Variants in ROCK1 observed in about 807,000 individuals in gnomAD.
ROCK1 encodes Rho associated coiled-coil containing protein kinase 1.
Under a neutral mutation model 196.8 loss-of-function variants are expected in ROCK1, and 36 were observed. The ratio of observed to expected loss-of-function variants is 0.18; its 90% CI spans 0.14 to 0.24. ROCK1 has a LOEUF of 0.24. Among genes scored for constraint, ROCK1 ranks in the 10% least tolerant of loss-of-function variants. ROCK1 has a pLI of 1.00. For synonymous variants in ROCK1, 443 were observed against 515.9 expected (o/e 0.86, Z 1.91); for missense variants, 920 against 1,562.0 (o/e 0.59, Z 6.93).
intron 16 of ROCK1, among the ~76,000 whole-genome samples, chr18:20,999,066 A>C (rs2035698129): frequency 6.6e-6 from 1 of 152,196 alleles, no homozygotes; most frequent in African/African-American, 2.4e-5. Context: ...ATAAACAAAA[A>C]AGCTATAAGC....
intron 9 of ROCK1, among the ~76,000 whole-genome samples, chr18:21,039,068 A>G (rs2036082997): frequency 6.6e-6 from 1 of 152,130 alleles, no homozygotes; most frequent in Admixed American, 6.5e-5. Flanking sequence ...TAATAATAGA[A>G]CCTTCTTATA....
chr18:20,959,124 T>TAAA (rs2035295308), intron 29 of ROCK1, among the ~76,000 whole-genome samples: 4 of 53,392 alleles, frequency 7.5e-5, no homozygotes, highest in African/African-American at 5.7e-4. Context: ...TTATATAATA[T>TAAA]ATATATTATA....
intron 1 of ROCK1, among the ~76,000 whole-genome samples, chr18:21,091,719 C>T (rs1033326027): frequency 1.3e-5 from 2 of 152,156 alleles, no homozygotes; most frequent in African/African-American, 4.8e-5. Flanking sequence ...ACCTGTAATC[C>T]CAGTACTTTG....
intron 1 of ROCK1, among the ~76,000 whole-genome samples, chr18:21,078,271 A>G (rs1263524545): frequency 6.6e-6 from 1 of 151,580 alleles, no homozygotes; most frequent in Non-Finnish European, 1.5e-5. Flanking sequence ...AGGGGCTGCA[A>G]TGAGCTGAGA....
At chr18:20,971,323 C>T (rs1568371061) in intron 22 of ROCK1, among the ~76,000 whole-genome samples, 4 of 59,486 alleles carry the variant, frequency 6.7e-5, no homozygotes, top group Non-Finnish European at 1.1e-4. Context: ...CACACACACA[C>T]ACACACACAC....
At chr18:21,072,348 G>T (rs1395041510) in intron 1 of ROCK1, among the ~76,000 whole-genome samples, 1 of 152,170 alleles carries the variant, frequency 6.6e-6, no homozygotes, top group African/African-American at 2.4e-5. Context: ...GGGAAATAAA[G>T]TTGGCAAGAA....
chr18:20,954,446 C>T (rs2035221151), intron 31 of ROCK1, among the ~76,000 whole-genome samples: 1 of 150,050 alleles, frequency 6.7e-6, no homozygotes. Context: ...TGTGGTGGCA[C>T]ACGCCTATAG....
chr18:20,999,495 C>G (rs1320982115), intron 16 of ROCK1, among the ~76,000 whole-genome samples: 1 of 152,070 alleles, frequency 6.6e-6, no homozygotes, highest in Non-Finnish European at 1.5e-5. Context: ...GAAATACCCA[C>G]AGCTAACATC....
At chr18:21,092,601 A>G (rs1384966636) in intron 1 of ROCK1, among the ~76,000 whole-genome samples, 5 of 151,766 alleles carry the variant, frequency 3.3e-5, no homozygotes, top group Admixed American at 6.6e-5. Context: ...AAAAAAAAAA[A>G]AAACCAACAC....
At chr18:20,975,475 C>A (rs1247991729) in intron 22 of ROCK1, among the ~76,000 whole-genome samples, 1 of 152,230 alleles carries the variant, frequency 6.6e-6, no homozygotes, top group South Asian at 2.1e-4. Flanking sequence ...TACTTTAATA[C>A]CTATTCTCAT....
At chr18:21,039,206 A>T (rs534168954) in intron 9 of ROCK1, among the ~76,000 whole-genome samples, 18 of 152,216 alleles carry the variant, frequency 1.2e-4, no homozygotes, top group Non-Finnish European at 2.4e-4. Context: ...GAACAATTCA[A>T]CAAAGATCAA....
chr18:21,104,360 G>A (rs2036684879), intron 1 of ROCK1, among the ~76,000 whole-genome samples: 1 of 152,206 alleles, frequency 6.6e-6, no homozygotes, highest in Non-Finnish European at 1.5e-5. Flanking sequence ...CACTGTGGGA[G>A]GCTGAGGCGG....
chr18:21,100,444 T>C (rs1294677106), intron 1 of ROCK1, among the ~76,000 whole-genome samples: 1 of 149,934 alleles, frequency 6.7e-6, no homozygotes, highest in Non-Finnish European at 1.5e-5. Context: ...ATTAGGGTCA[T>C]ATACAAATAA....
intron 22 of ROCK1, among the ~76,000 whole-genome samples, chr18:20,973,089 G>A (rs2035445297): frequency 1.3e-5 from 2 of 151,840 alleles, no homozygotes; most frequent in Admixed American, 1.3e-4. Flanking sequence ...ATGTTGGTCA[G>A]GCTGGTCTTG....
chr18:20,970,317 T>G (rs757219278), intron 23 of ROCK1, 31 bp downstream of exon 23: 5 of 1,572,036 alleles, frequency 3.2e-6, no homozygotes, highest in Non-Finnish European at 4.4e-6. Context: ...TTAAATAAAT[T>G]TTATATAACT....
In ROCK1 at chr18:20,947,550, T is replaced by C. The variant is rs2035140674; in HGVS notation, c.*3834A>G. On this transcript the variant is annotated 3_prime_UTR_variant, in exon 33 of 33. Transcript: ENST00000399799. ...AATAATTGTGATTAAGATTTCCAAG[T>C]GTCAGGCCAGGCACGGTGGCCTACA... 6.6e-6 allele frequency: 1 copy of C among 151,978 alleles called. No individual in the cohort carries two copies. The highest frequency in any genetic ancestry group is 2.1e-4 in the South Asian group (1 of 4,812). The allele number at this position is 151,978 out of a possible 1,614,324, so 9.4% of individuals were successfully genotyped here.
At chr18:21,015,219 G>A (rs1278040193) in intron 13 of ROCK1, among the ~76,000 whole-genome samples, 1 of 151,472 alleles carries the variant, frequency 6.6e-6, no homozygotes, top group Non-Finnish European at 1.5e-5. Context: ...AAATTAATAC[G>A]GCTGTAGAAA....
intron 2 of ROCK1, among the ~76,000 whole-genome samples, chr18:21,068,225 T>C (rs1405325921): frequency 6.6e-6 from 1 of 152,210 alleles, no homozygotes; most frequent in Non-Finnish European, 1.5e-5. Flanking sequence ...GATGATCTAT[T>C]TTGAGTTAAT....
In ROCK1 at chr18:20,968,859, T is replaced by C. The variant is rs759287366; in HGVS notation, c.2916A>G (p.Glu972=). 6 of 1,570,162 alleles carry C rather than the reference T, an allele frequency of 3.8e-6. No individual in the cohort carries two copies. In the Admixed American group the frequency reaches 8.4e-5, roughly 22 times the overall value. The change falls in exon 25 of 33, where the codon GAA becomes GAG. Residue 972 remains glutamate, a splice_region_variant and synonymous_variant. Coordinates refer to ENST00000399799, the MANE Select transcript of ROCK1 (RefSeq NM_005406.3). ...LTEKMKKAEE[E]YKLEKEEEIS... Reference sequence around the variant, plus strand: ...TCTCCTCCTCCTTCTCCAGTTTATATTCTGTCAACAAATTATATTAAATGT... The same window carrying C: ...TCTCCTCCTCCTTCTCCAGTTTATACTCTGTCAACAAATTATATTAAATGT...
Sources: allele counts gnomAD v4.1 joint callset (sites outside exome capture counted in the v4.1 genomes callset), GRCh38; gene constraint gnomAD v4.1.1; transcripts MANE v1.5; gene names NCBI Gene and HGNC (gene_info 2026-07-23, HGNC 2026-07-21).